Variants in STK3 observed in about 807,000 individuals in gnomAD.
STK3 encodes serine/threonine-protein kinase 3.
A neutral mutation model predicts 58.0 loss-of-function variants in STK3; 41 were observed. The ratio of observed to expected loss-of-function variants is 0.71; its 90% confidence interval spans 0.55 to 0.92. The LOEUF is 0.92. Among genes scored for constraint, STK3 ranks in the 40% least tolerant of loss-of-function variants. STK3 has a pLI of 0.00. For synonymous variants in STK3, 170 were observed against 191.0 expected, an observed-to-expected ratio of 0.89 and a Z score of 0.91; for missense variants, 479 against 602.7, an observed-to-expected ratio of 0.79 and a Z score of 2.15.
At chr8:98,769,295 G>A (rs1192977486) in intron 2 of STK3, among the ~76,000 whole-genome samples, 1 of 152,186 alleles carries the variant, frequency 6.6e-6, no homozygotes, top group East Asian at 1.9e-4. Flanking sequence ...ATTCCCACCT[G>A]TTGTGGTAGG....
intron 1 of STK3, among the ~76,000 whole-genome samples, chr8:98,933,555 G>A (rs1336313311): frequency 6.6e-6 from 1 of 152,196 alleles, no homozygotes; most frequent in East Asian, 1.9e-4. Flanking sequence ...GGAAATAAAT[G>A]TGTAATAGGA....
At chr8:98,917,768 C>T (rs73279723) in intron 1 of STK3, among the ~76,000 whole-genome samples, 2,525 of 152,178 alleles carry the variant, frequency 0.017, 61 homozygotes, top group African/African-American at 0.058. Context: ...TGGAAGAAAC[C>T]GCTCCTATTT....
rs563043448 is a variant in STK3, at chr8:98,916,899, C to T, written c.-79+25479G>A. Among the ~76,000 whole-genome samples the T allele has an allele frequency of 3.9e-5, 6 of 152,268 alleles. No individual in the cohort carries two copies. In the South Asian group the frequency reaches 1.2e-3, roughly 32 times the overall value. The stretch of plus-strand genomic sequence containing the variant: ...GAGATGGGAGTGGTTCTAGGTTAGT[C>T]AGTCCTTTTTGATGGGGATTTGGGA... On this transcript the variant is annotated intron_variant, in intron 1 of 1. Coordinates refer to the STK3 transcript ENST00000519420.
chr8:98,923,967 T>C (rs1053503894), intron 1 of STK3, among the ~76,000 whole-genome samples: 5 of 152,112 alleles, frequency 3.3e-5, no homozygotes, highest in Non-Finnish European at 1.5e-5. Context: ...CTGTGGAATT[T>C]GTTTAGATTC....
chr8:98,935,280 A>G (rs1377430028), intron 1 of STK3, among the ~76,000 whole-genome samples: 1 of 152,260 alleles, frequency 6.6e-6, no homozygotes, highest in African/African-American at 2.4e-5. Flanking sequence ...AACACATGAT[A>G]GAATGAGCCC....
chr8:98,488,945 A>T (rs1822488840), intron 10 of STK3, among the ~76,000 whole-genome samples: 1 of 152,150 alleles, frequency 6.6e-6, no homozygotes, highest in South Asian at 2.1e-4. Context: ...TTCTCAAAAG[A>T]TGGCTGGGGC....
downstream of STK3, among the ~76,000 whole-genome samples, chr8:98,398,630 T>C (rs1449704013): frequency 2.0e-5 from 3 of 152,144 alleles, no homozygotes; most frequent in Non-Finnish European, 2.9e-5. Context: ...AGATGAGGCA[T>C]TGAGGACACA....
chr8:98,590,443 C>T (rs1422372084), intron 7 of STK3, among the ~76,000 whole-genome samples: 1 of 152,156 alleles, frequency 6.6e-6, no homozygotes, highest in Non-Finnish European at 1.5e-5. Context: ...GTCAGAGAGC[C>T]TTGGGCCAGA....
At chr8:98,381,643 C>T (rs994675184) in intron 1 of STK3, among the ~76,000 whole-genome samples, 4 of 152,176 alleles carry the variant, frequency 2.6e-5, no homozygotes, top group African/African-American at 4.8e-5. Context: ...GTCTATTGTC[C>T]GTCACTTAAC....
At chr8:98,908,750 G>A (rs1430293434) in intron 1 of STK3, among the ~76,000 whole-genome samples, 2 of 151,144 alleles carry the variant, frequency 1.3e-5, no homozygotes, top group Non-Finnish European at 2.9e-5. Flanking sequence ...GGTTGAGGCA[G>A]GAGAACCCCT....
chr8:98,548,200 T>C (rs769036220), intron 8 of STK3, 39 bp from the exon 9 acceptor site: 7 of 1,392,328 alleles, frequency 5.0e-6, no homozygotes, highest in Middle Eastern at 1.9e-4. Flanking sequence ...GACTTTTCTA[T>C]GACAGCTGGA....
intron 6 of STK3, among the ~76,000 whole-genome samples, chr8:98,664,759 C>T (rs1177628825): frequency 6.6e-6 from 1 of 152,020 alleles, no homozygotes; most frequent in Non-Finnish European, 1.5e-5. Flanking sequence ...TTTGAGAATT[C>T]TCTTAGAAGT....
At chr8:98,419,517 A>T (rs1818148426) in intron 3 of STK3, among the ~76,000 whole-genome samples, 2 of 152,194 alleles carry the variant, frequency 1.3e-5, no homozygotes, top group Admixed American at 6.5e-5. Flanking sequence ...AGGAAAACAA[A>T]GTCCTATTGA....
chr8:98,611,585 A>T (rs970830070), intron 6 of STK3, among the ~76,000 whole-genome samples: 1 of 150,718 alleles, frequency 6.6e-6, no homozygotes, highest in Non-Finnish European at 1.5e-5. Flanking sequence ...TTAAAATGAT[A>T]AAAAAAAATT....
chr8:98,612,644 C>T (rs1490579122), intron 6 of STK3, among the ~76,000 whole-genome samples: 1 of 151,810 alleles, frequency 6.6e-6, no homozygotes, highest in Non-Finnish European at 1.5e-5. Flanking sequence ...CAGGTACAAA[C>T]AAAAAAGCTC....
chr8:98,915,675 G>A (rs576305243), intron 1 of STK3, among the ~76,000 whole-genome samples: 5 of 151,626 alleles, frequency 3.3e-5, no homozygotes, highest in South Asian at 4.2e-4. Flanking sequence ...TTGTGTGTGC[G>A]TGTGATTTTT....
chr8:98,866,202 G>A (rs191428034), intron 3 of STK3, among the ~76,000 whole-genome samples: 22 of 152,272 alleles, frequency 1.4e-4, no homozygotes, highest in Admixed American at 1.2e-3. Flanking sequence ...CCACCTATTT[G>A]GAATCTGCAA....
chr8:98,673,209 T>C (rs1822954895), intron 6 of STK3, among the ~76,000 whole-genome samples: 1 of 152,220 alleles, frequency 6.6e-6, no homozygotes, highest in Non-Finnish European at 1.5e-5. Context: ...GGATCTACTT[T>C]ATACAAGGAT....
intron 1 of STK3, among the ~76,000 whole-genome samples, chr8:98,792,346 T>C (rs868643253): frequency 3.9e-5 from 6 of 152,340 alleles, no homozygotes; most frequent in Middle Eastern, 3.4e-3. Context: ...TCTGCACTGC[T>C]AGTGGGAATG....
Sources: gnomAD v4.1 joint callset for allele counts (sites outside exome capture counted in the v4.1 genomes callset) on GRCh38, gnomAD v4.1.1 for gene constraint, MANE v1.5 for transcripts, NCBI Gene and HGNC (gene_info 2026-07-23, HGNC 2026-07-21) for gene names.